The following LRP1B variants were observed in gnomAD, a reference collection of about 807,000 sequenced individuals.
The protein encoded by LRP1B is LDL receptor related protein 1B.
LRP1B carries 217 observed loss-of-function variants against 556.6 expected under a neutral mutation model. That is an observed-to-expected ratio of 0.39 (90% CI 0.35 to 0.44). LRP1B has a LOEUF of 0.44. Ranked by LOEUF, LRP1B falls within the 20% of genes least tolerant of loss-of-function variation. The pLI, the probability that LRP1B is intolerant of heterozygous loss-of-function variation, is 1.00. For synonymous variants in LRP1B, 2,047 were observed against 1,865.8 expected (o/e 1.10, Z -2.50); for missense variants, 5,053 against 5,620.8 (o/e 0.90, Z 3.23).
chr2:140,435,697 C>T (rs551572052), intron 66 of LRP1B, among the ~76,000 whole-genome samples: 6 of 151,682 alleles, frequency 4.0e-5, no homozygotes, highest in African/African-American at 1.2e-4. Context: ...GAAACATCAA[C>T]GAATAATTGC....
chr2:142,012,972 C>T (rs1703002540), intron 1 of LRP1B, among the ~76,000 whole-genome samples: 1 of 152,036 alleles, frequency 6.6e-6, no homozygotes, highest in Non-Finnish European at 1.5e-5. Flanking sequence ...TTAGCACATT[C>T]ATGGAAAGGA....
intron 31 of LRP1B, among the ~76,000 whole-genome samples, chr2:140,839,279 G>T (rs1393850164): frequency 1.3e-5 from 2 of 152,174 alleles, no homozygotes; most frequent in South Asian, 2.1e-4. Flanking sequence ...TTCAGATAAA[G>T]AATGTTTCCT....
chr2:140,541,310 T>C (rs1680125350), intron 44 of LRP1B, among the ~76,000 whole-genome samples: 1 of 152,116 alleles, frequency 6.6e-6, no homozygotes, highest in African/African-American at 2.4e-5. Context: ...ACACATTTGA[T>C]ACCACGGCAT....
intron 25 of LRP1B, among the ~76,000 whole-genome samples, chr2:140,871,087 GTGT>G (rs1289485474): frequency 2.6e-5 from 4 of 152,148 alleles, no homozygotes; most frequent in African/African-American, 9.6e-5. Context: ...CATTTGGTAA[GTGT>G]TATTAGATAA....
At chr2:141,685,048 T>C (rs1242754230) in intron 2 of LRP1B, among the ~76,000 whole-genome samples, 1 of 152,134 alleles carries the variant, frequency 6.6e-6, no homozygotes, top group African/African-American at 2.4e-5. Context: ...TTTATTTGTA[T>C]TTCTACAAAG....
rs148546522 is a variant in LRP1B at position 141,134,921 on chromosome 2, T to TTA, written c.1013+53498_1013+53499dup. 2.7e-3 allele frequency among the ~76,000 whole-genome samples: 412 copies of TTA among 150,436 alleles called. 2 individuals carry two copies. The highest frequency in any genetic ancestry group is 9.0e-3 in the African/African-American group (369 of 41,174). On this transcript the variant is annotated intron_variant, in intron 7 of 90. Transcript: ENST00000389484. ...ACCATACTTCATAAATTCAAGGTAT[T>TTA]TATATATATATATATTTGCCCCTGT... is the stretch of plus-strand genomic sequence containing the variant.
intron 67 of LRP1B, 51 bp from the exon 68 acceptor site, chr2:140,378,337 G>A (rs2105183560): frequency 1.0e-6 from 1 of 982,290 alleles, no homozygotes; most frequent in South Asian, 1.4e-5. Flanking sequence ...TAAGTGCATT[G>A]TAAAATTTAT....
chr2:141,815,343 C>T (rs193207198), intron 1 of LRP1B, among the ~76,000 whole-genome samples: 32 of 152,214 alleles, frequency 2.1e-4, no homozygotes, highest in African/African-American at 6.5e-4. Context: ...AGAGGTGAAG[C>T]CAGCTGGGTC....
At chr2:141,254,498 G>T (rs752372561) in intron 4 of LRP1B, 24 bp downstream of exon 4, 1 of 1,609,320 alleles carries the variant, frequency 6.2e-7, no homozygotes. Context: ...AACAAAATTT[G>T]ATGGCGTTAT....
chr2:142,069,810 T>C (rs1006550479), intron 1 of LRP1B, among the ~76,000 whole-genome samples: 7 of 149,916 alleles, frequency 4.7e-5, no homozygotes, highest in South Asian at 2.1e-4. Flanking sequence ...GTTAAATTTA[T>C]ATATTTTAAA....
intron 11 of LRP1B, among the ~76,000 whole-genome samples, chr2:141,037,467 T>C (rs1051079005): frequency 6.6e-6 from 1 of 152,032 alleles, no homozygotes; most frequent in Non-Finnish European, 1.5e-5. Flanking sequence ...CTCTCTTCAG[T>C]TGATTTTTTT....
Position 142,052,667 on chromosome 2 carries a change from T to C in LRP1B, c.82+77981A>G, listed in dbSNP as rs144484922. Among the ~76,000 whole-genome samples, 624 of 152,142 alleles carry C rather than the reference T, an allele frequency of 4.1e-3. 9 individuals carry two copies. Among genetic ancestry groups the C allele is most frequent in the African/African-American group, 0.014 (598 of 41,518 alleles). On this transcript the variant is annotated intron_variant, in intron 1 of 90. Coordinates refer to ENST00000389484, the MANE Select transcript of LRP1B (RefSeq NM_018557.3). ...GGGTGCTGCTCTGATCCCTCACTGT[T>C]TTTCCCTACCACTCTCATCTCTGTC... is the stretch of plus-strand genomic sequence containing the variant.
At chr2:141,626,263 A>T (rs1688698261) in intron 2 of LRP1B, among the ~76,000 whole-genome samples, 1 of 152,208 alleles carries the variant, frequency 6.6e-6, no homozygotes, top group Admixed American at 6.5e-5. Flanking sequence ...TCCATATGTT[A>T]AAATATAAAT....
At chr2:141,933,875 A>AT (rs1700567059) in intron 1 of LRP1B, among the ~76,000 whole-genome samples, 1 of 152,158 alleles carries the variant, frequency 6.6e-6, no homozygotes, top group South Asian at 2.1e-4. Context: ...ATTCATGAGT[A>AT]ATATGATCTT....
intron 25 of LRP1B, among the ~76,000 whole-genome samples, chr2:140,870,119 T>C (rs1272195406): frequency 6.6e-6 from 1 of 151,636 alleles, no homozygotes; most frequent in African/African-American, 2.4e-5. Context: ...TCAATAAATA[T>C]CCAGGAATGA....
chr2:140,885,799 TAA>T (rs3063639), intron 24 of LRP1B, among the ~76,000 whole-genome samples: 84,716 of 144,678 alleles, frequency 0.59, 24,792 homozygotes, highest in Middle Eastern at 0.67. Context: ...GTAGCAAAAT[TAA>T]AAAAAAAAAA....
At chr2:141,255,036 C>T (rs1179045903) in intron 3 of LRP1B, among the ~76,000 whole-genome samples, 1 of 151,938 alleles carries the variant, frequency 6.6e-6, no homozygotes, top group Non-Finnish European at 1.5e-5. Context: ...CCATGTGTAA[C>T]CTTCATAGCA....
At chr2:140,787,238 T>A (rs1054845795) in intron 32 of LRP1B, among the ~76,000 whole-genome samples, 1 of 152,202 alleles carries the variant, frequency 6.6e-6, no homozygotes, top group Non-Finnish European at 1.5e-5. Context: ...GAGTTGATAG[T>A]ATTTCTGGTT....
At chr2:140,878,933 G>A (rs1337708990) in intron 25 of LRP1B, among the ~76,000 whole-genome samples, 1 of 150,814 alleles carries the variant, frequency 6.6e-6, no homozygotes. Context: ...AGTTTGCAGT[G>A]AGCTGAGATC....
Sources: allele counts gnomAD v4.1 joint callset (sites outside exome capture counted in the v4.1 genomes callset), GRCh38; gene constraint gnomAD v4.1.1; transcripts MANE v1.5; gene names NCBI Gene and HGNC (gene_info 2026-07-23, HGNC 2026-07-21).